The following SLC14A2 variants were observed in gnomAD, a reference collection of about 807,000 sequenced individuals.
SLC14A2 encodes urea transporter 2.
A neutral mutation model predicts 104.6 loss-of-function variants in SLC14A2; 91 were observed. The observed-to-expected ratio is 0.87, with a 90% CI of 0.73 to 1.04. The LOEUF (loss-of-function observed/expected upper bound fraction) is 1.04, where lower values mean the gene tolerates loss of function less well. Among genes scored for constraint, SLC14A2 ranks in the 50% least tolerant of loss-of-function variants. SLC14A2 has a pLI of 0.00. For missense variants in SLC14A2, 1,189 were observed against 1,156.0 expected (o/e 1.03, Z -0.41); for synonymous variants, 476 against 466.4 (o/e 1.02, Z -0.27).
At chr18:45,580,454 G>A (rs1189614578) in intron 2 of SLC14A2, among the ~76,000 whole-genome samples, 2 of 152,158 alleles carry the variant, frequency 1.3e-5, no homozygotes, top group Non-Finnish European at 2.9e-5. Context: ...AGTGTGGGGA[G>A]GAGGTGGTTA....
chr18:45,332,949 T>C (rs2085303964), intron 1 of SLC14A2, among the ~76,000 whole-genome samples: 2 of 152,190 alleles, frequency 1.3e-5, no homozygotes. Flanking sequence ...TGACTATTAG[T>C]CTTTCTATTT....
At chr18:45,544,528 T>G (rs1168619882) in intron 2 of SLC14A2, among the ~76,000 whole-genome samples, 1 of 152,122 alleles carries the variant, frequency 6.6e-6, no homozygotes, top group Non-Finnish European at 1.5e-5. Context: ...CATCAAACTT[T>G]TTGGATGAAA....
intron 1 of SLC14A2, among the ~76,000 whole-genome samples, chr18:45,398,663 T>C (rs1334374027): frequency 6.6e-6 from 1 of 152,128 alleles, no homozygotes; most frequent in Non-Finnish European, 1.5e-5. Flanking sequence ...GGATTAACCT[T>C]GAGGACATTA....
At chr18:45,186,416 AT>A in the SLC14A2 span, among the ~76,000 whole-genome samples, 1 of 152,230 alleles carries the variant, frequency 6.6e-6, no homozygotes, top group African/African-American at 2.4e-5. Context: ...AGGCAAAAAA[AT>A]TAATATTTCA....
chr18:45,319,142 C>T (rs2085160336), intron 1 of SLC14A2, among the ~76,000 whole-genome samples: 1 of 152,178 alleles, frequency 6.6e-6, no homozygotes, highest in Non-Finnish European at 1.5e-5. Flanking sequence ...CTCCATGAGC[C>T]CCAGCTCCTC....
intron 1 of SLC14A2, among the ~76,000 whole-genome samples, chr18:45,352,498 A>G (rs1198724293): frequency 6.6e-6 from 1 of 152,154 alleles, no homozygotes; most frequent in African/African-American, 2.4e-5. Flanking sequence ...TTCCTATTCT[A>G]TCTTTCAAAA....
chr18:45,539,429 T>G (rs963066291), intron 2 of SLC14A2, among the ~76,000 whole-genome samples: 4 of 152,070 alleles, frequency 2.6e-5, no homozygotes, highest in Non-Finnish European at 2.9e-5. Flanking sequence ...GCCAGGCCAA[T>G]GGAGTTTGTG....
chr18:45,342,282 G>A (rs1171063733), intron 1 of SLC14A2, among the ~76,000 whole-genome samples: 1 of 152,206 alleles, frequency 6.6e-6, no homozygotes, highest in Non-Finnish European at 1.5e-5. Context: ...TGAGGTTAGG[G>A]TGACCAGATG....
At chr18:45,196,714 CAACAG>C in the SLC14A2 span, among the ~76,000 whole-genome samples, 9 of 152,322 alleles carry the variant, frequency 5.9e-5, no homozygotes, top group Admixed American at 4.6e-4. Context: ...TGTCTTCCCT[CAACAG>C]CAATCAATCA....
At chr18:45,362,190 C>T (rs770936791) in intron 1 of SLC14A2, among the ~76,000 whole-genome samples, 2 of 152,252 alleles carry the variant, frequency 1.3e-5, no homozygotes, top group African/African-American at 4.8e-5. Context: ...CTTCCCCTTC[C>T]ACCACGATTG....
chr18:45,262,970 C>T (rs1008124215), intron 1 of SLC14A2, among the ~76,000 whole-genome samples: 15 of 152,222 alleles, frequency 9.9e-5, no homozygotes, highest in African/African-American at 3.6e-4. Context: ...TAACATCTTG[C>T]ACACACATAA....
intron 2 of SLC14A2, among the ~76,000 whole-genome samples, chr18:45,598,067 T>G (rs2144405110): frequency 6.6e-6 from 1 of 152,196 alleles, no homozygotes; most frequent in East Asian, 1.9e-4. Context: ...GAATGGGACT[T>G]TCTACAAATG....
chr18:45,249,878 G>A (rs955535238), intron 1 of SLC14A2, among the ~76,000 whole-genome samples: 3 of 152,152 alleles, frequency 2.0e-5, no homozygotes, highest in African/African-American at 7.2e-5. Flanking sequence ...GTGCCCAGGA[G>A]TTCAAGGGTG....
intron 1 of SLC14A2, chr18:45,424,244 C>T (rs1467214947): frequency 1.2e-4 from 18 of 152,246 alleles, no homozygotes; most frequent in Non-Finnish European, 4.4e-5. Flanking sequence ...GACCTGGGAT[C>T]CAGTTCTAAC....
intron 1 of SLC14A2, among the ~76,000 whole-genome samples, chr18:45,313,065 G>T (rs565586506): frequency 6.6e-6 from 1 of 152,228 alleles, no homozygotes. Context: ...ATGCAATGCA[G>T]CTGGCTTTAT....
intron 1 of SLC14A2, among the ~76,000 whole-genome samples, chr18:45,376,015 C>A (rs899975245): frequency 6.6e-6 from 1 of 151,594 alleles, no homozygotes; most frequent in African/African-American, 2.4e-5. Flanking sequence ...TTAACCATTG[C>A]CCAATTTGGA....
At position 45,408,168 on chromosome 18, in the gene SLC14A2, T is replaced by C. The variant is rs1022628666; in HGVS notation, c.-124-75065T>C. Among the ~76,000 whole-genome samples the C allele has an allele frequency of 3.9e-5, 6 of 152,340 alleles. No homozygotes were observed. In the East Asian group the frequency reaches 7.7e-4, roughly 20 times the overall value. On this transcript the variant is annotated intron_variant, in intron 1 of 20. Coordinates refer to the SLC14A2 transcript ENST00000586448. ...GCCTTTCTTTGAGCTGAGGTACAAATGCTTTGTTCTTCACTGTTCATATCA... is the reference window on the plus strand; with the variant it reads ...GCCTTTCTTTGAGCTGAGGTACAAACGCTTTGTTCTTCACTGTTCATATCA...
chr18:45,371,752 C>T (rs923696963), intron 1 of SLC14A2, among the ~76,000 whole-genome samples: 6 of 152,196 alleles, frequency 3.9e-5, no homozygotes, highest in Non-Finnish European at 5.9e-5. Flanking sequence ...GCTCAAAAGC[C>T]AGTTGTAAAT....
At chr18:45,213,740 A>G (rs1050340454) in intron 1 of SLC14A2, among the ~76,000 whole-genome samples, 1 of 152,196 alleles carries the variant, frequency 6.6e-6, no homozygotes, top group Non-Finnish European at 1.5e-5. Context: ...ATCCTTATCA[A>G]TGTTCCAATG....
Sources: gnomAD v4.1 joint callset for allele counts (sites outside exome capture counted in the v4.1 genomes callset) on GRCh38, gnomAD v4.1.1 for gene constraint, MANE v1.5 for transcripts, NCBI Gene and HGNC (gene_info 2026-07-23, HGNC 2026-07-21) for gene names.